Variants in SLC25A10 observed in about 807,000 individuals in gnomAD.
SLC25A10 encodes mitochondrial dicarboxylate carrier.
Under a neutral mutation model 40.4 loss-of-function variants are expected in SLC25A10, and 32 were observed. That is an observed-to-expected ratio of 0.79 (90% CI 0.60 to 1.06). The LOEUF (loss-of-function observed/expected upper bound fraction) is 1.06. Ranked by LOEUF, SLC25A10 falls within the 50% of genes least tolerant of loss-of-function variation. SLC25A10 has a pLI of 0.00. For synonymous variants in SLC25A10, 181 were observed against 171.1 expected (o/e 1.06, Z -0.45); for missense variants, 394 against 402.6 (o/e 0.98, Z 0.18).
chr17:81,715,977 CCCGCCCCT>C, intron 4 of SLC25A10, 24 bp from the exon 5 acceptor site: 4 of 1,556,074 alleles, frequency 2.6e-6, no homozygotes, highest in Non-Finnish European at 3.5e-6. Flanking sequence ...CCTCGGCCCG[CCCGCCCCT>C]CCCGCCACCT....
At chr17:81,718,002 T>C in intron 9 of SLC25A10, 141 bp downstream of exon 9, 1 of 669,536 alleles carries the variant, frequency 1.5e-6, no homozygotes, top group Non-Finnish European at 2.7e-6. Flanking sequence ...AGCACTTGCC[T>C]TGGGAGAGGG....
intron 1 of SLC25A10, chr17:81,713,389 C>T: frequency 1.0e-6 from 1 of 956,300 alleles, no homozygotes; most frequent in Non-Finnish European, 1.2e-6. Context: ...CACTGGGCAG[C>T]CGCCTGTCTA....
chr17:81,716,407 G>A (rs879611013), intron 5 of SLC25A10, among the ~76,000 whole-genome samples: 20 of 152,198 alleles, frequency 1.3e-4, no homozygotes, highest in Non-Finnish European at 2.8e-4. Context: ...CTCCTGCCAC[G>A]GCCTGGGGTC....
intron 1 of SLC25A10, chr17:81,713,491 G>T (rs2037423302): frequency 2.0e-6 from 2 of 985,266 alleles, no homozygotes; most frequent in Non-Finnish European, 2.4e-6. Flanking sequence ...AATGCTGGTC[G>T]CTGCGTGAAG....
chr17:81,719,766 G>C, intron 9 of SLC25A10, 65 bp from the exon 10 acceptor site: 1 of 1,595,248 alleles, frequency 6.3e-7, no homozygotes, highest in East Asian at 2.2e-5. Context: ...GTGCCTGGGA[G>C]GGGATTTTCG....
At chr17:81,719,909 C>T (rs757137165) in intron 10 of SLC25A10, 22 bp downstream of exon 10, 12 of 1,613,504 alleles carry the variant, frequency 7.4e-6, no homozygotes, top group East Asian at 4.5e-5. Flanking sequence ...GCGGCAGTGG[C>T]GGCTTGGGCA....
chr17:81,713,088 A>G (rs2037414273), intron 1 of SLC25A10, among the ~76,000 whole-genome samples: 2 of 152,000 alleles, frequency 1.3e-5, no homozygotes, highest in Admixed American at 1.3e-4. Flanking sequence ...ACTGGAAGCG[A>G]TGTTAGGACC....
chr17:81,716,740 G>T, intron 5 of SLC25A10, 72 bp from the exon 6 acceptor site: 1 of 1,515,922 alleles, frequency 6.6e-7, no homozygotes. Context: ...CCTGCCTCGG[G>T]GCCTGGGAGG....
chr17:81,715,812 G>A (rs986668828), intron 4 of SLC25A10, 71 bp downstream of exon 4: 122 of 1,591,528 alleles, frequency 7.7e-5, no homozygotes, highest in Admixed American at 2.5e-4. Flanking sequence ...GGCCTGCCAG[G>A]GCTGCTTGCA....
At position 81,715,761 on chromosome 17, in the gene SLC25A10, A is replaced by T; in HGVS notation, c.377+20A>T. The T allele has an allele frequency of 6.2e-7, 1 of 1,612,918 alleles. No individual in the cohort carries two copies. Among genetic ancestry groups the T allele is most frequent in the Non-Finnish European group, 8.5e-7 (1 of 1,179,792 alleles). ...CGTCAGGTTGGTGTTCCCCCACCCC[A>T]CCTGCAAGGCCAGGGGCTTTCTTGT... On this transcript the variant is annotated intron_variant, in intron 4 of 10. Coordinates refer to ENST00000350690, the MANE Select transcript of SLC25A10 (RefSeq NM_012140.5).
chr17:81,717,729 C>T lies in SLC25A10; in HGVS notation c.628-55C>T, dbSNP rs374060587. ...GAGGTTCTGGCACGTGGGTGGGATT[C>T]GGCGATGGTGCCTGGCGTACCTGAC... On this transcript the variant is annotated intron_variant, in intron 8 of 10. Coordinates refer to ENST00000350690, the MANE Select transcript of SLC25A10 (RefSeq NM_012140.5). 10 of 1,573,742 alleles carry T rather than the reference C, an allele frequency of 6.4e-6. No homozygotes were observed. In the East Asian group the frequency reaches 1.4e-4, roughly 22 times the overall value.
At chr17:81,715,111 G>C in intron 2 of SLC25A10, 39 bp downstream of exon 2, 1 of 1,600,880 alleles carries the variant, frequency 6.2e-7, no homozygotes, top group Non-Finnish European at 8.5e-7. Context: ...CCAGACTGGG[G>C]CTGAGTCCTG....
intron 1 of SLC25A10, among the ~76,000 whole-genome samples, chr17:81,714,168 A>G (rs573726978): frequency 1.3e-4 from 20 of 152,298 alleles, no homozygotes; most frequent in Admixed American, 9.1e-4. Context: ...TGCAGGTCAC[A>G]CTGAGCGGCG....
At chr17:81,718,094 C>G (rs2037522457) in intron 9 of SLC25A10, among the ~76,000 whole-genome samples, 1 of 152,230 alleles carries the variant, frequency 6.6e-6, no homozygotes, top group Non-Finnish European at 1.5e-5. Context: ...GCCTGTAACC[C>G]CAGCACTTTG....
intron 9 of SLC25A10, among the ~76,000 whole-genome samples, chr17:81,719,427 A>G (rs1253857412): frequency 1.3e-5 from 2 of 152,148 alleles, no homozygotes; most frequent in African/African-American, 2.4e-5. Context: ...TGTGCCTCAT[A>G]GGTGCTCTGG....
In SLC25A10 at chr17:81,715,010, G is replaced by C; in HGVS notation, c.151G>C (p.Val51Leu). The change falls in exon 2 of 11, where the codon GTG becomes CTG. Residue 51 changes from valine (V) to leucine (L), a missense_variant. Physicochemically the swap from Val to Leu is conservative, Grantham distance 32. Coordinates refer to ENST00000350690, the MANE Select transcript of SLC25A10 (RefSeq NM_012140.5). ...GCGCATGACGGGCATGGCGCTGCGG[G>C]TGGTGCGTACCGACGGCATCCTGGC... ...KLRMTGMALR[V>L]VRTDGILALY... 6.2e-7 allele frequency: 1 copy of C among 1,610,126 alleles called. No homozygotes were observed. The highest frequency in any genetic ancestry group is 8.5e-7 in the Non-Finnish European group (1 of 1,179,940).
At position 81,712,366 on chromosome 17, in the gene SLC25A10, A is replaced by G; in HGVS notation, c.-61A>G. ...CGGGGCGCGGGGCGCTGCGGCCGGT[A>G]CACGCCGGGGTAGGGCCGGGGTCGG... is the stretch of plus-strand genomic sequence containing the variant. On this transcript the variant is annotated 5_prime_UTR_variant, in exon 1 of 11. Transcript: ENST00000350690. The G allele has an allele frequency of 9.2e-7, 1 of 1,082,556 alleles. No individual in the cohort carries two copies. The highest frequency in any genetic ancestry group is 1.2e-6 in the Non-Finnish European group (1 of 858,516). The allele number at this position is 1,082,556 out of a possible 1,614,324, so 67.1% of individuals were successfully genotyped here. A position where few individuals can be genotyped will look rare whatever the true frequency, so the allele number is the denominator to read the frequency against.
At chr17:81,717,706 G>A in intron 8 of SLC25A10, 78 bp from the exon 9 acceptor site, 1 of 1,522,270 alleles carries the variant, frequency 6.6e-7, no homozygotes, top group Non-Finnish European at 8.9e-7. Context: ...GTCAGGTGGA[G>A]GTTCTGGCAC....
chr17:81,712,483 G>A lies in SLC25A10; in HGVS notation c.57G>A (p.Gly19=), dbSNP rs1356940896. 1.5e-6 allele frequency: 2 copies of A among 1,302,284 alleles called. No individual in the cohort carries two copies. The highest frequency in any genetic ancestry group is 3.1e-5 in the East Asian group (1 of 32,192). The allele number at this position is 1,302,284 out of a possible 1,614,324, so 80.7% of individuals were successfully genotyped here. A position where few individuals can be genotyped will look rare whatever the true frequency, so the allele number is the denominator to read the frequency against. ...RWYFGGLASC[G]AACCTHPLDL... ...ACTTCGGGGGGCTGGCCTCCTGCGG[G>A]GCCGCCTGCTGCACGCACCCGCTGG... The change falls in exon 1 of 11, where the codon GGG becomes GGA. Residue 19 remains glycine (G), a synonymous_variant. Transcript: ENST00000350690.
Sources: gnomAD v4.1 joint callset for allele counts (sites outside exome capture counted in the v4.1 genomes callset) on GRCh38, gnomAD v4.1.1 for gene constraint, MANE v1.5 for transcripts, NCBI Gene and HGNC (gene_info 2026-07-23, HGNC 2026-07-21) for gene names.